Variants in TANC2 observed in about 807,000 individuals in gnomAD.
TANC2 encodes the protein protein TANC2.
In TANC2, 26 loss-of-function variants were observed where a neutral mutation model predicts 210.5. That is an observed-to-expected ratio of 0.12 (90% CI 0.09 to 0.17). TANC2 has a LOEUF of 0.17. TANC2 is among the 10% of genes least tolerant of loss of function. The probability of loss-of-function intolerance (pLI) is 1.00; values close to 1 mark genes in which losing one functional copy is unlikely to be tolerated. For synonymous variants in TANC2, 931 were observed against 967.1 expected (o/e 0.96, Z 0.69); for missense variants, 2,129 against 2,608.9 (o/e 0.82, Z 4.01).
intron 11 of TANC2, 141 bp downstream of exon 11, chr17:63,319,231 G>C (rs2045417602): frequency 1.1e-6 from 1 of 886,882 alleles, no homozygotes; most frequent in Non-Finnish European, 1.7e-6. Context: ...CTCTTTCTTT[G>C]ATATTCCTAG....
chr17:63,166,017 T>A (rs945850197), intron 5 of TANC2, among the ~76,000 whole-genome samples: 1 of 152,220 alleles, frequency 6.6e-6, no homozygotes, highest in South Asian at 2.1e-4. Context: ...ATAGTCATCA[T>A]CATACATTGA....
intron 14 of TANC2, among the ~76,000 whole-genome samples, chr17:63,358,372 A>ATGT (rs1567949667): frequency 5.2e-5 from 6 of 114,934 alleles, no homozygotes; most frequent in African/African-American, 2.4e-4. Flanking sequence ...AGAGAGAGAG[A>ATGT]GAGAGTATGT....
chr17:63,341,651 A>T (rs376271887), intron 12 of TANC2, among the ~76,000 whole-genome samples: 1 of 152,222 alleles, frequency 6.6e-6, no homozygotes, highest in African/African-American at 2.4e-5. Context: ...CTGAGGGCTG[A>T]ATTTTAAGTA....
intron 2 of TANC2, among the ~76,000 whole-genome samples, chr17:63,055,982 AAAAAAAAAATATATATAT>A (rs1306031834): frequency 5.4e-3 from 185 of 34,498 alleles, no homozygotes; most frequent in Middle Eastern, 0.023. Context: ...AAAAAAAAAA[AAAAAAAAAATATATATAT>A]ATATATATAT....
exon 6 of TANC2, chr17:63,194,055 T>G (rs959049899): frequency 6.2e-7 from 1 of 1,613,250 alleles, no homozygotes; most frequent in Non-Finnish European, 8.5e-7. Flanking sequence ...CACTCATGAC[T>G]CGTCTGGGTT....
chr17:63,074,068 C>T, intron 3 of TANC2, 54 bp downstream of exon 3: 2 of 1,383,562 alleles, frequency 1.4e-6, no homozygotes, highest in Non-Finnish European at 2.0e-6. Flanking sequence ...ATAGATATTT[C>T]TTTCTAGTAC....
intron 8 of TANC2, among the ~76,000 whole-genome samples, chr17:63,259,458 G>A (rs1251983529): frequency 6.6e-6 from 1 of 152,198 alleles, no homozygotes; most frequent in Non-Finnish European, 1.5e-5. Context: ...TCAGTTTGGT[G>A]TTCCTGCAGG....
chr17:63,198,967 A>G (rs2041440311), intron 6 of TANC2, among the ~76,000 whole-genome samples: 1 of 152,290 alleles, frequency 6.6e-6, no homozygotes, highest in South Asian at 2.1e-4. Flanking sequence ...TATGATTGAA[A>G]AGATTTACTT....
chr17:63,251,649 G>A (rs1439913370), intron 8 of TANC2, among the ~76,000 whole-genome samples: 2 of 152,140 alleles, frequency 1.3e-5, no homozygotes, highest in African/African-American at 4.8e-5. Context: ...CCAGATTAAA[G>A]CCATAGTTCC....
At chr17:63,411,190 C>A (rs896836734) in intron 21 of TANC2, among the ~76,000 whole-genome samples, 1 of 151,942 alleles carries the variant, frequency 6.6e-6, no homozygotes, top group Non-Finnish European at 1.5e-5. Flanking sequence ...ACGGGAGATC[C>A]GAGAGGCAGT....
intron 12 of TANC2, among the ~76,000 whole-genome samples, chr17:63,346,039 C>T (rs1246182792): frequency 6.6e-6 from 1 of 152,180 alleles, no homozygotes; most frequent in African/African-American, 2.4e-5. Flanking sequence ...TTCTTGTCAT[C>T]AGATGGTACT....
chr17:63,019,389 T>A (rs906406772), intron 2 of TANC2, among the ~76,000 whole-genome samples: 2 of 152,068 alleles, frequency 1.3e-5, no homozygotes, highest in Non-Finnish European at 2.9e-5. Flanking sequence ...GGCTAATTTT[T>A]GTATTTTTTG....
At chr17:63,262,440 T>C (rs1007566703) in intron 8 of TANC2, among the ~76,000 whole-genome samples, 1 of 152,194 alleles carries the variant, frequency 6.6e-6, no homozygotes, top group African/African-American at 2.4e-5. Context: ...TCCTCCCACC[T>C]CAGCCTTCTT....
intron 9 of TANC2, among the ~76,000 whole-genome samples, chr17:63,271,918 T>A (rs2043723205): frequency 6.6e-6 from 1 of 152,196 alleles, no homozygotes; most frequent in Admixed American, 6.5e-5. Context: ...ACTCTGTTGA[T>A]AGTGTCTTTT....
chr17:63,078,350 T>C (rs2036643329), intron 3 of TANC2, among the ~76,000 whole-genome samples: 2 of 152,178 alleles, frequency 1.3e-5, no homozygotes, highest in Non-Finnish European at 2.9e-5. Flanking sequence ...GTCAGTTTTA[T>C]ACATCTCAGA....
intron 9 of TANC2, among the ~76,000 whole-genome samples, chr17:63,308,230 A>G (rs1279574437): frequency 6.6e-6 from 1 of 152,212 alleles, no homozygotes; most frequent in African/African-American, 2.4e-5. Flanking sequence ...CTTCAGCTCC[A>G]TAATCCCTTA....
chr17:63,079,195 C>T (rs906798598), intron 3 of TANC2, among the ~76,000 whole-genome samples: 6 of 152,168 alleles, frequency 3.9e-5, no homozygotes, highest in African/African-American at 1.2e-4. Context: ...CCCCCATTCA[C>T]GCAGTCCCAT....
At chr17:63,111,184 A>T (rs1206889502) in intron 4 of TANC2, among the ~76,000 whole-genome samples, 3 of 152,042 alleles carry the variant, frequency 2.0e-5, no homozygotes, top group Non-Finnish European at 4.4e-5. Flanking sequence ...GTGTGGTGGC[A>T]TGCACCTGTA....
chr17:63,284,446 C>T (rs1473964755), intron 9 of TANC2, among the ~76,000 whole-genome samples: 1 of 151,816 alleles, frequency 6.6e-6, no homozygotes, highest in African/African-American at 2.4e-5. Context: ...AAAGTATTAC[C>T]TCCTCTTTAC....
Sources: gnomAD v4.1 joint callset for allele counts (sites outside exome capture counted in the v4.1 genomes callset) on GRCh38, gnomAD v4.1.1 for gene constraint, MANE v1.5 for transcripts, NCBI Gene and HGNC (gene_info 2026-07-23, HGNC 2026-07-21) for gene names.